Variants in CLCN6 observed in about 807,000 individuals in gnomAD.
CLCN6 encodes the protein H(+)/Cl(-) exchange transporter 6.
CLCN6 carries 70 observed loss-of-function variants against 109.8 expected under a neutral mutation model. The ratio of observed to expected loss-of-function variants is 0.64; its 90% CI spans 0.53 to 0.78. The LOEUF (loss-of-function observed/expected upper bound fraction) is 0.78, where lower values mean the gene tolerates loss of function less well. Among genes scored for constraint, CLCN6 ranks in the 30% least tolerant of loss-of-function variants. The pLI, the probability that CLCN6 is intolerant of heterozygous loss-of-function variation, is 0.00. For synonymous variants in CLCN6, 444 were observed against 447.8 expected (o/e 0.99, Z 0.11); for missense variants, 984 against 1,142.3 (o/e 0.86, Z 2.00).
intron 2 of CLCN6, among the ~76,000 whole-genome samples, chr1:11,808,536 T>TA (rs1342417856): frequency 1.3e-5 from 2 of 152,250 alleles, no homozygotes; most frequent in African/African-American, 2.4e-5. Context: ...AATTTCTTGA[T>TA]ATCAAATATC....
At chr1:11,823,369 C>T (rs1289386747) in intron 6 of CLCN6, among the ~76,000 whole-genome samples, 2 of 151,838 alleles carry the variant, frequency 1.3e-5, no homozygotes, top group Non-Finnish European at 2.9e-5. Context: ...CCCAGCTACT[C>T]GGGCGACTGA....
chr1:11,828,180 C>T lies in CLCN6; in HGVS notation c.915C>T (p.Ser305=). 1 of 1,614,142 alleles carries T rather than the reference C, an allele frequency of 6.2e-7. No individual in the cohort carries two copies. The highest frequency in any genetic ancestry group is 8.5e-7 in the Non-Finnish European group (1 of 1,179,982). ...GGATTCAGTTTGGAAGCTGGGGTTC[C>T]TTCCAGCTCCCTGGATTGCTGAACT... is the stretch of plus-strand genomic sequence containing the variant. ...RSGIQFGSWG[S]FQLPGLLNFG... is the part of the protein sequence containing the mutation. Residue 305 remains serine, a synonymous_variant, in exon 11 of 23, where the codon TCC becomes TCT. Coordinates refer to ENST00000346436, the MANE Select transcript of CLCN6 (RefSeq NM_001286.5).
chr1:11,829,362 A>T (rs2100644475), intron 13 of CLCN6, 40 bp downstream of exon 13: 1 of 1,612,530 alleles, frequency 6.2e-7, no homozygotes, highest in East Asian at 2.2e-5. Context: ...CCATACCACG[A>T]GGAAGAATCC....
intron 4 of CLCN6, among the ~76,000 whole-genome samples, chr1:11,817,803 C>T (rs1644692517): frequency 6.6e-6 from 1 of 152,162 alleles, no homozygotes; most frequent in Admixed American, 6.6e-5. Flanking sequence ...GGGCCAACCA[C>T]AATTTTTATT....
chr1:11,829,037 C>CA (rs1483360565), intron 12 of CLCN6, among the ~76,000 whole-genome samples, 159 bp from the exon 13 acceptor site: 1 of 152,230 alleles, frequency 6.6e-6, no homozygotes, highest in East Asian at 1.9e-4. Context: ...TGGAATACAG[C>CA]AAATCACGGA....
chr1:11,824,405 G>A, intron 7 of CLCN6, 81 bp from the exon 8 acceptor site: 3 of 1,077,424 alleles, frequency 2.8e-6, no homozygotes. Context: ...TTGTCACGAG[G>A]AAGGTTTTTG....
chr1:11,826,067 C>A, intron 8 of CLCN6, 89 bp from the exon 9 acceptor site: 1 of 827,226 alleles, frequency 1.2e-6, no homozygotes, highest in South Asian at 1.8e-5. Context: ...GACCTGTGTT[C>A]TTTTTTTTTT....
chr1:11,812,091 G>A (rs1415646314), intron 2 of CLCN6, among the ~76,000 whole-genome samples: 1 of 151,970 alleles, frequency 6.6e-6, no homozygotes, highest in Non-Finnish European at 1.5e-5. Context: ...TCCATGCTGG[G>A]TGACAGAGAA....
In CLCN6 at chr1:11,834,266, G is replaced by A; in HGVS notation, c.1557G>A (p.Gly519=). Residue 519 remains glycine (G), a synonymous_variant, in exon 16 of 23, where the codon GGG becomes GGA. Coordinates refer to ENST00000346436, the MANE Select transcript of CLCN6 (RefSeq NM_001286.5). The surrounding 1 kb of genome is among the most constrained non-coding windows in gnomAD (Gnocchi z 4.5). ...SYIGLGHIYS[G]TFALIGAAAF... is the part of the protein sequence containing the mutation. ...TTGGATTGGGCCACATCTATTCGGG[G>A]ACCTTTGCCCTGATTGGTGCAGCGG... 1 of 1,613,912 alleles carries A rather than the reference G, an allele frequency of 6.2e-7. No homozygotes were observed. Among genetic ancestry groups the A allele is most frequent in the East Asian group, 2.2e-5 (1 of 44,868 alleles).
chr1:11,841,474 C>T lies in CLCN6; in HGVS notation c.*1251C>T, dbSNP rs1645023210. ...GGCCCGCCCCCTCTGACTAGGCACC[C>T]AAAGTGAGCATCTGGGCATTGGGCA... is the stretch of plus-strand genomic sequence containing the variant. On this transcript the variant is annotated 3_prime_UTR_variant, in exon 23 of 23. Coordinates refer to ENST00000346436, the MANE Select transcript of CLCN6 (RefSeq NM_001286.5). 6.6e-6 allele frequency: 1 copy of T among 152,298 alleles called. No individual in the cohort carries two copies. The highest frequency in any genetic ancestry group is 1.9e-4 in the East Asian group (1 of 5,210). The allele number at this position is 152,298 out of a possible 1,614,324, so 9.4% of individuals were successfully genotyped here. A position where few individuals can be genotyped will look rare whatever the true frequency, so the allele number is the denominator to read the frequency against.
rs775361415 is a variant in CLCN6 at position 11,819,515 on chromosome 1, C to T, written c.307C>T (p.Arg103Ter). 7 of 1,614,106 alleles carry T rather than the reference C, an allele frequency of 4.3e-6. No individual in the cohort carries two copies. Among genetic ancestry groups the T allele is most frequent in the Admixed American group, 1.7e-5 (1 of 60,024 alleles). ...GGGTCTCTTTGTGGACTTTTTTGTGCGACTCTTCACCCAACTCAAGTTCGG... is the reference window on the plus strand; with the variant it reads ...GGGTCTCTTTGTGGACTTTTTTGTGTGACTCTTCACCCAACTCAAGTTCGG... Reference protein sequence around the residue: ...LVGLFVDFFVRLFTQLKFGVV... With the variant: ...LVGLFVDFFV Residue 103 changes from arginine to a stop codon, truncating the protein, a stop_gained, in exon 5 of 23, where the codon CGA (arginine) becomes TGA (stop). Transcript: ENST00000346436. LOFTEE classifies it high-confidence loss of function.
chr1:11,828,974 T>C lies in CLCN6; in HGVS notation c.1122-222T>C, dbSNP rs115087799. Among the ~76,000 whole-genome samples the C allele has an allele frequency of 3.8e-3, 585 of 152,314 alleles. 1 individual carries two copies. The highest frequency in any genetic ancestry group is 7.4e-3 in the Admixed American group (114 of 15,304). On this transcript the variant is annotated intron_variant, in intron 12 of 22. Coordinates refer to ENST00000346436, the MANE Select transcript of CLCN6 (RefSeq NM_001286.5). ...AAGCCATTCATTCCTTGGAGAGAGA[T>C]GATGTGGACGTAGCAGCCCACTTTA...
chr1:11,829,384 A>T, intron 13 of CLCN6, 62 bp downstream of exon 13: 1 of 1,593,900 alleles, frequency 6.3e-7, no homozygotes, highest in East Asian at 2.2e-5. Flanking sequence ...GAAATGTATG[A>T]CCTTCCTCTG....
chr1:11,839,410 C>T (rs140185578), intron 22 of CLCN6, among the ~76,000 whole-genome samples: 97 of 152,266 alleles, frequency 6.4e-4, no homozygotes, highest in African/African-American at 2.2e-3. Flanking sequence ...CACAGGCATG[C>T]GCCACTATGC....
intron 13 of CLCN6, chr1:11,829,874 T>C (rs1431668026): frequency 6.4e-6 from 1 of 156,540 alleles, no homozygotes; most frequent in Non-Finnish European, 1.4e-5. Flanking sequence ...AGCAAGGTGC[T>C]TTCTGAGCCC....
rs745329041 is a variant in CLCN6 at position 11,829,229 on chromosome 1, C to G, written c.1155C>G (p.Thr385=). 6.2e-7 allele frequency: 1 copy of G among 1,614,134 alleles called. No individual in the cohort carries two copies. Among genetic ancestry groups the G allele is most frequent in the South Asian group, 1.1e-5 (1 of 91,078 alleles). ...VLESLLVSLV[T]TVVVFVASMV... is the part of the protein sequence containing the mutation. ...AGAGCCTCCTTGTGTCTCTGGTAAC[C>G]ACCGTGGTGGTGTTTGTGGCCTCGA... Residue 385 remains threonine, a synonymous_variant, in exon 13 of 23, where the codon ACC becomes ACG. Coordinates refer to ENST00000346436, the MANE Select transcript of CLCN6 (RefSeq NM_001286.5).
chr1:11,806,201 G>C lies in CLCN6; in HGVS notation c.-62G>C. On this transcript the variant is annotated 5_prime_UTR_variant, in exon 1 of 23. Transcript: ENST00000346436. ...GACCGTCCCGGGGCCAGTCACGTGA[G>C]GCGCAGATCCTGGCTGGGAGGGGGT... is the stretch of plus-strand genomic sequence containing the variant. 1 of 1,357,676 alleles carries C rather than the reference G, an allele frequency of 7.4e-7. No homozygotes were observed. The highest frequency in any genetic ancestry group is 9.6e-7 in the Non-Finnish European group (1 of 1,042,148). The allele number at this position is 1,357,676 out of a possible 1,614,324, so 84.1% of individuals were successfully genotyped here. A position where few individuals can be genotyped will look rare whatever the true frequency, so the allele number is the denominator to read the frequency against.
intron 7 of CLCN6, 135 bp downstream of exon 7, chr1:11,823,968 G>C (rs1297831494): frequency 2.7e-6 from 3 of 1,111,108 alleles, no homozygotes; most frequent in Non-Finnish European, 3.9e-6. Context: ...TTTGTTGATG[G>C]GCTGTTTTTA....
rs1557432219 is a variant in CLCN6, at chr1:11,834,040, G to A, written c.1526+10G>A. ...CCAATGTCCTAAAAAGGTACTCTGT[G>A]TGTGTGCGTGTGTGTGCGCATGTGC... On this transcript the variant is annotated intron_variant, in intron 15 of 22. Coordinates refer to ENST00000346436, the MANE Select transcript of CLCN6 (RefSeq NM_001286.5). The surrounding 1 kb of genome is among the most constrained non-coding windows in gnomAD (Gnocchi z 4.5). 6.2e-7 allele frequency: 1 copy of A among 1,612,206 alleles called. No homozygotes were observed.
Sources: gnomAD v4.1 joint callset for allele counts (sites outside exome capture counted in the v4.1 genomes callset) on GRCh38, gnomAD v4.1.1 for gene constraint, Gnocchi (gnomAD v3.1) non-coding constraint, MANE v1.5 for transcripts, NCBI Gene and HGNC (gene_info 2026-07-23, HGNC 2026-07-21) for gene names.